Variants in PBX3 observed in about 807,000 individuals in gnomAD.
PBX3 encodes PBX homeobox 3.
PBX3 carries 14 observed loss-of-function variants against 48.5 expected under a neutral mutation model. The observed-to-expected ratio is 0.29, with a 90% CI of 0.19 to 0.45. The LOEUF is 0.45. Ranked by LOEUF, PBX3 falls within the 20% of genes least tolerant of loss-of-function variation. PBX3 has a pLI of 1.00. For synonymous variants in PBX3, 210 were observed against 200.3 expected (o/e 1.05, Z -0.41); for missense variants, 386 against 546.7 (o/e 0.71, Z 2.93).
intron 2 of PBX3, among the ~76,000 whole-genome samples, chr9:125,787,557 T>C (rs910158246): frequency 6.6e-6 from 1 of 152,146 alleles, no homozygotes; most frequent in Non-Finnish European, 1.5e-5. Context: ...CGACTACAAC[T>C]TGAGTATATG....
At chr9:125,828,303 A>G (rs929820029) in intron 2 of PBX3, among the ~76,000 whole-genome samples, 12 of 152,214 alleles carry the variant, frequency 7.9e-5, no homozygotes, top group African/African-American at 2.9e-4. Context: ...CATAGTTTAC[A>G]GCAACAAATG....
chr9:125,915,673 T>C lies in PBX3; in HGVS notation c.275-13T>C, dbSNP rs749049415. On this transcript the variant is annotated splice_polypyrimidine_tract_variant and intron_variant, in intron 2 of 8. Transcript: ENST00000373489. Reference sequence around the variant, plus strand: ...CTTCTTCTCTCTCTGTCTCTCTCTCTCTTTCCTTGAAGGTCTCAGCATCAG... The same window carrying C: ...CTTCTTCTCTCTCTGTCTCTCTCTCCCTTTCCTTGAAGGTCTCAGCATCAG... 18 of 1,594,566 alleles carry C rather than the reference T, an allele frequency of 1.1e-5. No individual in the cohort carries two copies. The South Asian group carries it at 1.9e-4, about 17-fold the overall frequency.
intron 3 of PBX3, among the ~76,000 whole-genome samples, chr9:125,924,344 T>C (rs1260123918): frequency 6.6e-6 from 1 of 152,254 alleles, no homozygotes; most frequent in East Asian, 1.9e-4. Flanking sequence ...TACAGTCAAC[T>C]GTTGTCATAT....
intron 2 of PBX3, among the ~76,000 whole-genome samples, chr9:125,914,060 A>C (rs1283442333): frequency 1.3e-5 from 2 of 152,230 alleles, no homozygotes; most frequent in African/African-American, 4.8e-5. Flanking sequence ...TAAATTAAAA[A>C]TGCAAACTTA....
chr9:125,914,664 T>G (rs2132464535), intron 2 of PBX3, among the ~76,000 whole-genome samples: 1 of 152,310 alleles, frequency 6.6e-6, no homozygotes, highest in East Asian at 1.9e-4. Flanking sequence ...TTTTCCCCTC[T>G]TCCCCAAGAA....
intron 2 of PBX3, among the ~76,000 whole-genome samples, chr9:125,785,267 C>T (rs1162768318): frequency 2.6e-5 from 4 of 152,108 alleles, no homozygotes; most frequent in Admixed American, 2.6e-4. Context: ...AGGGTGTTGC[C>T]AGAGGAGGTT....
intron 2 of PBX3, among the ~76,000 whole-genome samples, chr9:125,802,191 G>A (rs1275064520): frequency 6.6e-6 from 1 of 152,012 alleles, no homozygotes; most frequent in African/African-American, 2.4e-5. Context: ...GTGATGCTGA[G>A]GTTTGGGGTT....
intron 4 of PBX3, among the ~76,000 whole-genome samples, chr9:125,934,197 C>T (rs1405343034): frequency 6.6e-6 from 1 of 152,094 alleles, no homozygotes; most frequent in Non-Finnish European, 1.5e-5. Context: ...TTGATCAGAC[C>T]TAGATTTCTT....
intron 2 of PBX3, among the ~76,000 whole-genome samples, chr9:125,794,713 T>TC (rs1189914254): frequency 1.3e-5 from 2 of 151,724 alleles, no homozygotes; most frequent in Non-Finnish European, 2.9e-5. Flanking sequence ...TTTTTTTTTT[T>TC]TTAACAGTCC....
intron 2 of PBX3, among the ~76,000 whole-genome samples, chr9:125,813,235 G>A (rs559999871): frequency 1.3e-4 from 20 of 150,974 alleles, no homozygotes; most frequent in South Asian, 6.3e-4. Context: ...TTTTATATCC[G>A]TATTCTATAA....
At chr9:125,949,185 T>G (rs1015421880) in intron 5 of PBX3, among the ~76,000 whole-genome samples, 1 of 152,228 alleles carries the variant, frequency 6.6e-6, no homozygotes, top group African/African-American at 2.4e-5. Flanking sequence ...ATTAACAGTG[T>G]GACCTTGAGC....
intron 2 of PBX3, among the ~76,000 whole-genome samples, chr9:125,811,219 G>A (rs1348868353): frequency 6.6e-6 from 1 of 152,224 alleles, no homozygotes; most frequent in African/African-American, 2.4e-5. Context: ...TGGAAAATCA[G>A]TGTCGTAGCT....
chr9:125,750,119 C>A (rs975784288), intron 2 of PBX3, among the ~76,000 whole-genome samples: 2 of 152,188 alleles, frequency 1.3e-5, no homozygotes, highest in Non-Finnish European at 2.9e-5. Context: ...GTATGCAATT[C>A]TCAGTAAATT....
intron 2 of PBX3, among the ~76,000 whole-genome samples, chr9:125,837,799 CCAGGATGG>C (rs1839180920): frequency 1.3e-5 from 2 of 151,972 alleles, no homozygotes; most frequent in African/African-American, 4.8e-5. Context: ...ACCGTGTTAG[CCAGGATGG>C]TCTCAATCTC....
At chr9:125,908,739 C>CT (rs1841134872) in intron 2 of PBX3, among the ~76,000 whole-genome samples, 1 of 151,978 alleles carries the variant, frequency 6.6e-6, no homozygotes, top group Admixed American at 6.6e-5. Flanking sequence ...ATTGCTTTCC[C>CT]TTTAAATAGT....
chr9:125,950,479 C>T, intron 5 of PBX3, among the ~76,000 whole-genome samples: 1 of 99,034 alleles, frequency 1.0e-5, no homozygotes, highest in South Asian at 4.2e-4. Flanking sequence ...AAATTTGCAA[C>T]TTCTTTTTTT....
chr9:125,761,934 A>AT lies in PBX3; in HGVS notation c.274+13315dup, dbSNP rs1188213812. Among the ~76,000 whole-genome samples the AT allele has an allele frequency of 2.6e-5, 4 of 152,200 alleles. No homozygotes were observed. In the East Asian group the frequency reaches 7.7e-4, roughly 29 times the overall value. On this transcript the variant is annotated intron_variant, in intron 2 of 8. Coordinates refer to ENST00000373489, the MANE Select transcript of PBX3 (RefSeq NM_006195.6). The stretch of plus-strand genomic sequence containing the variant: ...TTAGTTGCAGAGTTTCAAGGAAGAG[A>AT]TTTTCTCTAGGGGAAATGGATACTT...
chr9:125,956,057 C>T (rs1487075228), intron 5 of PBX3, among the ~76,000 whole-genome samples: 5 of 152,168 alleles, frequency 3.3e-5, no homozygotes, highest in Admixed American at 6.5e-5. Flanking sequence ...CTGGATCTCT[C>T]GTTTCTTCCT....
Position 125,941,233 on chromosome 9 carries a change from C to G in PBX3, c.843+5626C>G, listed in dbSNP as rs187080655. Among the ~76,000 whole-genome samples, 48 of 152,272 alleles carry G rather than the reference C, an allele frequency of 3.2e-4. No individual in the cohort carries two copies. The East Asian group carries it at 8.3e-3, about 26-fold the overall frequency. On this transcript the variant is annotated intron_variant, in intron 5 of 8. Coordinates refer to ENST00000373489, the MANE Select transcript of PBX3 (RefSeq NM_006195.6). ...GTGAGGAACATTCTAGCAGAGGGAA[C>G]AGCAAGTACGGAGGCCCTGAGGTAG...
Sources: allele counts gnomAD v4.1 joint callset (sites outside exome capture counted in the v4.1 genomes callset), GRCh38; gene constraint gnomAD v4.1.1; transcripts MANE v1.5; gene names NCBI Gene and HGNC (gene_info 2026-07-23, HGNC 2026-07-21).